The following RANBP17 variants were observed in gnomAD, a reference collection of about 807,000 sequenced individuals.
RANBP17 encodes ran-binding protein 17.
RANBP17 carries 158 observed loss-of-function variants against 141.2 expected under a neutral mutation model. That is an observed-to-expected ratio of 1.12 (90% CI 0.98 to 1.28). RANBP17 has a LOEUF of 1.28. RANBP17 is among the 50% of genes most tolerant of loss of function. The probability of loss-of-function intolerance (pLI) is 0.00; values close to 1 mark genes in which losing one functional copy is unlikely to be tolerated. For missense variants in RANBP17, 1,438 were observed against 1,290.7 expected, an observed-to-expected ratio of 1.11 and a Z score of -1.75; for synonymous variants, 430 against 450.0, an observed-to-expected ratio of 0.96 and a Z score of 0.56.
chr5:170,905,366 A>G (rs1770992107), intron 5 of RANBP17, among the ~76,000 whole-genome samples: 1 of 152,180 alleles, frequency 6.6e-6, no homozygotes, highest in Admixed American at 6.5e-5. Context: ...ATGCACACAT[A>G]TAGATGTATA....
chr5:171,258,817 G>A (rs1766093838), intron 24 of RANBP17, among the ~76,000 whole-genome samples: 1 of 151,954 alleles, frequency 6.6e-6, no homozygotes, highest in South Asian at 2.1e-4. Flanking sequence ...CATTGATCTA[G>A]GCAAAAAAAT....
Position 171,164,825 on chromosome 5 carries a change from A to C in RANBP17, c.1711-5305A>C, listed in dbSNP as rs536719925. Among the ~76,000 whole-genome samples, 23 of 152,326 alleles carry C rather than the reference A, an allele frequency of 1.5e-4. 1 individual carries two copies. In the South Asian group the frequency reaches 4.8e-3, roughly 32 times the overall value. Reference sequence around the variant, plus strand: ...ATTTTGTATCATGAAATTTTGAAGCAGTTCCTTTATGCCTTTAACAAATGC... The same window carrying C: ...ATTTTGTATCATGAAATTTTGAAGCCGTTCCTTTATGCCTTTAACAAATGC... On this transcript the variant is annotated intron_variant, in intron 14 of 27. Coordinates refer to ENST00000523189, the MANE Select transcript of RANBP17 (RefSeq NM_022897.5).
intron 25 of RANBP17, among the ~76,000 whole-genome samples, chr5:171,289,701 A>T (rs1454018080): frequency 6.6e-6 from 1 of 151,984 alleles, no homozygotes; most frequent in Non-Finnish European, 1.5e-5. Flanking sequence ...ACACCACTGC[A>T]CTCCAGCATG....
chr5:170,957,344 T>G (rs970543639), intron 13 of RANBP17, among the ~76,000 whole-genome samples: 1 of 151,754 alleles, frequency 6.6e-6, no homozygotes, highest in Non-Finnish European at 1.5e-5. Context: ...GAAGAAAGAA[T>G]AAGAGGAAAG....
chr5:171,122,680 C>T (rs1409826380), intron 14 of RANBP17, among the ~76,000 whole-genome samples: 1 of 152,216 alleles, frequency 6.6e-6, no homozygotes, highest in Non-Finnish European at 1.5e-5. Context: ...TGGAGTGCCC[C>T]TTGGCCTTTG....
At chr5:171,004,595 A>T (rs1187047793) in intron 14 of RANBP17, among the ~76,000 whole-genome samples, 1 of 152,198 alleles carries the variant, frequency 6.6e-6, no homozygotes, top group Non-Finnish European at 1.5e-5. Context: ...GAGTTACCTG[A>T]AGCTCAGCAT....
chr5:171,271,104 T>TTTTTTTTTTTC, intron 25 of RANBP17: 1 of 129,578 alleles, frequency 7.7e-6, no homozygotes, highest in Non-Finnish European at 1.6e-5. Flanking sequence ...TTTTTTTTTT[T>TTTTTTTTTTTC]TTTTTTTTTT....
At chr5:171,103,561 C>G (rs563351530) in intron 14 of RANBP17, among the ~76,000 whole-genome samples, 42 of 152,234 alleles carry the variant, frequency 2.8e-4, no homozygotes, top group Middle Eastern at 3.4e-3. Context: ...ATCTGCTAAG[C>G]TACACTACTT....
chr5:171,283,733 A>G lies in RANBP17; in HGVS notation c.2944-10150A>G, dbSNP rs566098699. 8.6e-4 allele frequency among the ~76,000 whole-genome samples: 131 copies of G among 152,348 alleles called. 2 individuals are homozygous for G. In the South Asian group the frequency reaches 0.027, roughly 31 times the overall value. On this transcript the variant is annotated intron_variant, in intron 25 of 27. Transcript: ENST00000523189. ...TGAACCCTAAGCAGTGTGCATATCC[A>G]TGACAGAGATAACTATAAGCACATG...
In RANBP17 at chr5:170,976,921, T is replaced by G. The variant is rs181626606; in HGVS notation, c.1710+8544T>G. Among the ~76,000 whole-genome samples the G allele has an allele frequency of 1.4e-4, 22 of 152,144 alleles. No homozygotes were observed. The East Asian group carries it at 3.5e-3, about 24-fold the overall frequency. ...AAAATGCTTAAAACATAGAAGTAAG[T>G]CTTTATGACTTTGGACAATGGTTTC... On this transcript the variant is annotated intron_variant, in intron 14 of 27. Coordinates refer to ENST00000523189, the MANE Select transcript of RANBP17 (RefSeq NM_022897.5).
rs140064398 is a variant in RANBP17 at position 170,901,195 on chromosome 5, G to A, written c.489+5080G>A. On this transcript the variant is annotated intron_variant, in intron 5 of 27. Coordinates refer to ENST00000523189, the MANE Select transcript of RANBP17 (RefSeq NM_022897.5). ...TTGCTTTATGAATCTGGGTGCTCCT[G>A]TATTGGATGCATGTATATTTAGGAT... 3.4e-3 allele frequency among the ~76,000 whole-genome samples: 517 copies of A among 152,282 alleles called. 2 individuals carry two copies. Among genetic ancestry groups the A allele is most frequent in the African/African-American group, 0.011 (477 of 41,550 alleles).
At chr5:170,970,161 C>T (rs561534681) in intron 14 of RANBP17, among the ~76,000 whole-genome samples, 19 of 151,416 alleles carry the variant, frequency 1.3e-4, no homozygotes, top group East Asian at 1.2e-3. Flanking sequence ...TAAGACATTT[C>T]GTAAGTACTA....
chr5:171,068,878 C>CA (rs1402696993), intron 14 of RANBP17, among the ~76,000 whole-genome samples: 1 of 152,202 alleles, frequency 6.6e-6, no homozygotes, highest in Non-Finnish European at 1.5e-5. Context: ...TGAGCCACCA[C>CA]ACCCAGCTGG....
At chr5:171,268,405 G>A (rs1265287873) in intron 25 of RANBP17, among the ~76,000 whole-genome samples, 1 of 152,142 alleles carries the variant, frequency 6.6e-6, no homozygotes, top group Non-Finnish European at 1.5e-5. Flanking sequence ...GGAATTTGAA[G>A]CAAGGTCTGT....
intron 14 of RANBP17, among the ~76,000 whole-genome samples, chr5:171,121,016 G>A (rs1376097553): frequency 6.6e-6 from 1 of 152,216 alleles, no homozygotes; most frequent in Admixed American, 6.5e-5. Context: ...CGCTAGTCGT[G>A]TATGCAAGTG....
chr5:170,916,717 C>CTT (rs5873244), intron 9 of RANBP17, 133 bp downstream of exon 9: 17 of 258,212 alleles, frequency 6.6e-5, no homozygotes, highest in South Asian at 1.1e-4. Flanking sequence ...TTCCTTAGAG[C>CTT]TTTTTTTTTT....
intron 14 of RANBP17, among the ~76,000 whole-genome samples, chr5:171,039,204 G>T (rs760211473): frequency 6.7e-6 from 1 of 149,358 alleles, no homozygotes; most frequent in Non-Finnish European, 1.5e-5. Flanking sequence ...CAGTGTGTAA[G>T]AGTTCCTTTT....
intron 20 of RANBP17, chr5:171,206,401 A>T (rs1288092185): frequency 6.5e-6 from 1 of 153,612 alleles, no homozygotes; most frequent in Admixed American, 6.5e-5. Flanking sequence ...GGTAGTTGTA[A>T]ATGGTCGTTA....
intron 19 of RANBP17, among the ~76,000 whole-genome samples, chr5:171,204,293 T>C (rs1405046314): frequency 6.6e-6 from 1 of 152,202 alleles, no homozygotes; most frequent in Non-Finnish European, 1.5e-5. Flanking sequence ...AGTCATCTCT[T>C]AGGCAGAAAG....
Sources: gnomAD v4.1 joint callset for allele counts (sites outside exome capture counted in the v4.1 genomes callset) on GRCh38, gnomAD v4.1.1 for gene constraint, MANE v1.5 for transcripts, NCBI Gene and HGNC (gene_info 2026-07-23, HGNC 2026-07-21) for gene names.